Variants in CCDC40 observed in about 807,000 individuals in gnomAD.
CCDC40 encodes coiled-coil domain-containing protein 40.
Under a neutral mutation model 124.5 loss-of-function variants are expected in CCDC40, and 104 were observed. That is an observed-to-expected ratio of 0.84 (90% CI 0.71 to 0.98). The LOEUF is 0.98. Ranked by LOEUF, CCDC40 falls within the 50% of genes least tolerant of loss-of-function variation. CCDC40 has a pLI of 0.00. For synonymous variants in CCDC40, 580 were observed against 602.9 expected (o/e 0.96, Z 0.56); for missense variants, 1,463 against 1,503.9 (o/e 0.97, Z 0.45).
chr17:80,066,154 G>T lies in CCDC40; in HGVS notation c.1562+548G>T, dbSNP rs1365632881. ...GTGACCAGGTCTCGGGACGCGGAAA[G>T]AAAAAGCCGGGCACTGTGGTGGCAC... On this transcript the variant is annotated intron_variant, in intron 10 of 19. Coordinates refer to ENST00000397545, the MANE Select transcript of CCDC40 (RefSeq NM_017950.4). This position sits in a 1 kb window ranked among gnomAD's most constrained non-coding sequence, Gnocchi z 4.4. 8.5e-6 allele frequency: 6 copies of T among 702,892 alleles called. No individual in the cohort carries two copies. The highest frequency in any genetic ancestry group is 8.0e-5 in the Admixed American group (4 of 49,990). The allele number at this position is 702,892 out of a possible 1,614,324, so 43.5% of individuals were successfully genotyped here.
chr17:80,045,121 C>A (rs929335934), intron 3 of CCDC40, among the ~76,000 whole-genome samples: 13 of 152,142 alleles, frequency 8.5e-5, no homozygotes, highest in African/African-American at 2.9e-4. Context: ...GCGGAAGTGC[C>A]GTGAGACGGT....
intron 7 of CCDC40, among the ~76,000 whole-genome samples, chr17:80,053,799 G>C (rs754200584): frequency 5.3e-5 from 8 of 152,138 alleles, no homozygotes; most frequent in Non-Finnish European, 7.3e-5. Flanking sequence ...CACCATGTTG[G>C]TCAGGCTGGT....
intron 12 of CCDC40, among the ~76,000 whole-genome samples, chr17:80,083,624 C>T (rs1284607639): frequency 6.6e-6 from 1 of 152,196 alleles, no homozygotes; most frequent in Non-Finnish European, 1.5e-5. Flanking sequence ...TCCCTGTTCC[C>T]AGAGCAGCTT....
intron 10 of CCDC40, among the ~76,000 whole-genome samples, chr17:80,069,042 T>G (rs1396692053): frequency 6.6e-6 from 1 of 152,198 alleles, no homozygotes; most frequent in Non-Finnish European, 1.5e-5. Flanking sequence ...CACCCTGACC[T>G]TGGCTGCTTT....
At position 80,089,844 on chromosome 17, in the gene CCDC40, C is replaced by T. The variant is rs202141933; in HGVS notation, c.2792C>T (p.Thr931Met). 13 of 1,614,070 alleles carry T rather than the reference C, an allele frequency of 8.1e-6. No individual in the cohort carries two copies. Among genetic ancestry groups the T allele is most frequent in the Admixed American group, 6.7e-5 (4 of 60,008 alleles). Residue 931 changes from threonine to methionine, a missense_variant, in exon 17 of 20, where the codon ACG (threonine) becomes ATG (methionine). Thr to Met is a moderately conservative substitution (Grantham distance 81). Transcript: ENST00000397545. ...RSSVDSEIGQ[T>M]EIRAMKGEIH... ...TCAGTGGATTCCGAGATCGGCCAGA[C>T]GGAGATCCGGGCCATGAAGGGCGAG...
intron 19 of CCDC40, 155 bp downstream of exon 19, chr17:80,097,558 CAT>C (rs2038833538): frequency 1.4e-6 from 1 of 695,558 alleles, no homozygotes; most frequent in African/African-American, 1.8e-5. Context: ...CGGCTGCTCA[CAT>C]GTTTGTGGCT....
At chr17:80,052,972 T>C (rs1433711072) in intron 7 of CCDC40, among the ~76,000 whole-genome samples, 1 of 152,158 alleles carries the variant, frequency 6.6e-6, no homozygotes, top group East Asian at 1.9e-4. Flanking sequence ...AAACTGAATT[T>C]CTTAACTAAA....
intron 13 of CCDC40, 63 bp from the exon 14 acceptor site, chr17:80,085,940 A>G (rs2038577432): frequency 6.8e-7 from 1 of 1,468,736 alleles, no homozygotes; most frequent in South Asian, 1.1e-5. Flanking sequence ...AAAGTGCTGG[A>G]ATTACAGGCG....
At position 80,097,269 on chromosome 17, in the gene CCDC40, G is replaced by A. The variant is rs117307093; in HGVS notation, c.3046G>A (p.Val1016Ile). ...RKATDECTKT[V>I]LELEETQRNV... The stretch of plus-strand genomic sequence containing the variant: ...GGCCACCGATGAGTGCACCAAAACC[G>A]TCCTGGAACTGGAAGAAACACAAAG... Residue 1016 changes from valine to isoleucine, a missense_variant, in exon 19 of 20, where the codon GTC becomes ATC. Transcript: ENST00000397545. 1.0e-3 allele frequency: 1,650 copies of A among 1,613,968 alleles called. 3 individuals are homozygous for A. The highest frequency in any genetic ancestry group is 2.0e-3 in the African/African-American group (150 of 75,064).
chr17:80,056,008 A>ATTTTTTTTTTT (rs1242487948), intron 7 of CCDC40, among the ~76,000 whole-genome samples: 6 of 12,280 alleles, frequency 4.9e-4, no homozygotes, highest in African/African-American at 7.8e-4. Flanking sequence ...ATATATATAT[A>ATTTTTTTTTTT]TATATATATT....
chr17:80,064,179 C>T (rs545694699), intron 9 of CCDC40, among the ~76,000 whole-genome samples: 1 of 152,334 alleles, frequency 6.6e-6, no homozygotes, highest in South Asian at 2.1e-4. Context: ...GAAACCCTCA[C>T]AGCCAAGCAT....
chr17:80,081,061 T>A (rs567763831), intron 10 of CCDC40, among the ~76,000 whole-genome samples: 2 of 152,284 alleles, frequency 1.3e-5, no homozygotes, highest in African/African-American at 4.8e-5. Flanking sequence ...TCCATAAAAA[T>A]TTTTTAAAGA....
intron 13 of CCDC40, 144 bp from the exon 14 acceptor site, chr17:80,085,859 G>A (rs558268137): frequency 1.1e-5 from 8 of 720,450 alleles, no homozygotes; most frequent in Middle Eastern, 3.9e-4. Flanking sequence ...GGGTAGAGAC[G>A]GGGTTTCACC....
chr17:80,040,198 G>C lies in CCDC40; in HGVS notation c.480G>C (p.Glu160Asp). 1 of 1,614,024 alleles carries C rather than the reference G, an allele frequency of 6.2e-7. No homozygotes were observed. Among genetic ancestry groups the C allele is most frequent in the Non-Finnish European group, 8.5e-7 (1 of 1,179,958 alleles). ...ESRERRVTSP[E>D]PSHGVLGPSE... ...GAGAAAGGAGGGTCACCTCCCCAGA[G>C]CCATCCCACGGAGTCTTAGGCCCGT... is the stretch of plus-strand genomic sequence containing the variant. The change falls in exon 3 of 20, where the codon GAG becomes GAC. Residue 160 changes from glutamate to aspartate, a missense_variant. Coordinates refer to ENST00000397545, the MANE Select transcript of CCDC40 (RefSeq NM_017950.4).
At chr17:80,062,219 T>C (rs2037918689) in intron 9 of CCDC40, among the ~76,000 whole-genome samples, 1 of 152,088 alleles carries the variant, frequency 6.6e-6, no homozygotes, top group Non-Finnish European at 1.5e-5. Context: ...TGAAACCCAT[T>C]TTCATACACC....
At chr17:80,079,463 CAT>C (rs2038396266) in intron 10 of CCDC40, among the ~76,000 whole-genome samples, 1 of 152,136 alleles carries the variant, frequency 6.6e-6, no homozygotes, top group Admixed American at 6.6e-5. Context: ...TGTCAGAACA[CAT>C]AGAAATCACC....
intron 3 of CCDC40, among the ~76,000 whole-genome samples, chr17:80,041,495 G>A (rs1221199173): frequency 2.0e-5 from 3 of 147,878 alleles, no homozygotes; most frequent in Admixed American, 6.7e-5. Context: ...GCGACAGAGC[G>A]AGACTCTGTC....
At chr17:80,079,436 GTCTTAGAGT>G (rs1320847469) in intron 10 of CCDC40, among the ~76,000 whole-genome samples, 5 of 152,084 alleles carry the variant, frequency 3.3e-5, no homozygotes, top group Non-Finnish European at 5.9e-5. Flanking sequence ...CTTGTGCTGT[GTCTTAGAGT>G]TATTCCATGT....
At chr17:80,079,131 T>G (rs960265156) in intron 10 of CCDC40, among the ~76,000 whole-genome samples, 1 of 152,012 alleles carries the variant, frequency 6.6e-6, no homozygotes, top group African/African-American at 2.4e-5. Flanking sequence ...GAGATGGGGT[T>G]TTGTCATGTG....
Sources: gnomAD v4.1 joint callset for allele counts (sites outside exome capture counted in the v4.1 genomes callset) on GRCh38, gnomAD v4.1.1 for gene constraint, Gnocchi (gnomAD v3.1) non-coding constraint, MANE v1.5 for transcripts, NCBI Gene and HGNC (gene_info 2026-07-23, HGNC 2026-07-21) for gene names.